Variants in NDEL1 observed in about 807,000 individuals in gnomAD.
The protein encoded by NDEL1 is nudE neurodevelopment protein 1 like 1.
NDEL1 carries 9 observed loss-of-function variants against 45.7 expected under a neutral mutation model. The observed-to-expected ratio is 0.20, with a 90% CI of 0.12 to 0.34. The LOEUF (loss-of-function observed/expected upper bound fraction) is 0.34. Among genes scored for constraint, NDEL1 ranks in the 10% least tolerant of loss-of-function variants. The probability of loss-of-function intolerance (pLI) is 1.00; values close to 1 mark genes in which losing one functional copy is unlikely to be tolerated. For synonymous variants in NDEL1, 133 were observed against 158.6 expected (o/e 0.84, Z 1.21); for missense variants, 306 against 406.2 (o/e 0.75, Z 2.12).
intron 1 of NDEL1, among the ~76,000 whole-genome samples, chr17:8,442,656 T>G (rs1276769362): frequency 1.3e-5 from 2 of 151,368 alleles, no homozygotes; most frequent in African/African-American, 4.9e-5. Context: ...TTTGATGATG[T>G]GGAGAGATTT....
chr17:8,472,188 G>A (rs897321417), downstream of NDEL1, among the ~76,000 whole-genome samples: 3 of 152,186 alleles, frequency 2.0e-5, no homozygotes, highest in Non-Finnish European at 2.9e-5. Flanking sequence ...GCCCTGGGTC[G>A]GTCATACCCA....
At chr17:8,471,986 C>A (rs565113833), downstream of NDEL1, among the ~76,000 whole-genome samples, 121 of 152,282 alleles carry the variant, frequency 7.9e-4, no homozygotes, top group Non-Finnish European at 1.4e-3. Flanking sequence ...AAGGGGAGAC[C>A]TGCCTGGAAC....
chr17:8,452,504 G>A (rs73241265), intron 6 of NDEL1, among the ~76,000 whole-genome samples: 2,745 of 152,136 alleles, frequency 0.018, 78 homozygotes, highest in African/African-American at 0.064. Flanking sequence ...AATTTTCACT[G>A]GCTAACCTAA....
upstream of NDEL1, among the ~76,000 whole-genome samples, chr17:8,432,363 T>TATATATATATTATATATAAATATATATAG (rs1909036204): frequency 1.6e-5 from 1 of 62,036 alleles, no homozygotes; most frequent in South Asian, 4.4e-4. Flanking sequence ...AATATAAATA[T>TATATATATATTATATATAAATATATATAG]ATATATATTT....
upstream of NDEL1, among the ~76,000 whole-genome samples, chr17:8,434,983 T>C (rs1320265945): frequency 6.6e-6 from 1 of 151,850 alleles, no homozygotes; most frequent in Non-Finnish European, 1.5e-5. Context: ...GGCAGGAGAA[T>C]TGCTTAAACC....
upstream of NDEL1, among the ~76,000 whole-genome samples, chr17:8,434,648 C>CT (rs1288082778): frequency 5.3e-5 from 8 of 152,106 alleles, no homozygotes; most frequent in Admixed American, 5.2e-4. Context: ...TGTAAGTTGC[C>CT]TATCCCTCTT....
chr17:8,420,939 G>A (rs969204778), intron 1 of NDEL1, among the ~76,000 whole-genome samples: 2 of 152,174 alleles, frequency 1.3e-5, no homozygotes, highest in Non-Finnish European at 2.9e-5. Flanking sequence ...TGTAAATTCA[G>A]TAGGCTGGAC....
At chr17:8,461,952 AAC>A (rs1407597903) in intron 8 of NDEL1, among the ~76,000 whole-genome samples, 2 of 152,134 alleles carry the variant, frequency 1.3e-5, no homozygotes, top group Non-Finnish European at 2.9e-5. Context: ...AGGGAAGGAT[AAC>A]ACTGTCTGTT....
At chr17:8,460,300 CA>C in intron 8 of NDEL1, 140 bp downstream of exon 8, 1 of 925,834 alleles carries the variant, frequency 1.1e-6, no homozygotes, top group Non-Finnish European at 1.6e-6. Context: ...TCTTAGGTGA[CA>C]TGACGTCTGT....
At chr17:8,415,476 C>A (rs1482008704) in intron 1 of NDEL1, among the ~76,000 whole-genome samples, 2 of 146,612 alleles carry the variant, frequency 1.4e-5, no homozygotes, top group Non-Finnish European at 3.0e-5. Context: ...ACTCTGTTGC[C>A]CAGGCTGGAG....
In NDEL1 at chr17:8,445,685, G is replaced by A. The variant is rs369251061; in HGVS notation, c.87-26G>A. The A allele has an allele frequency of 1.8e-5, 28 of 1,582,634 alleles. No individual in the cohort carries two copies. The South Asian group carries it at 2.2e-4, about 13-fold the overall frequency. On this transcript the variant is annotated intron_variant, in intron 2 of 8. Coordinates refer to ENST00000334527, the MANE Select transcript of NDEL1 (RefSeq NM_030808.5). ...ATCCTTGTGGTTCTTAGTGTAACTC[G>A]TCTTTCCCACTTTGTTTCTGATTAG... is the stretch of plus-strand genomic sequence containing the variant.
chr17:8,421,693 TAC>T (rs1380783411), intron 1 of NDEL1, among the ~76,000 whole-genome samples: 1 of 152,184 alleles, frequency 6.6e-6, no homozygotes, highest in East Asian at 1.9e-4. Flanking sequence ...AGGAAACAAA[TAC>T]ACCAGACCTT....
intron 8 of NDEL1, among the ~76,000 whole-genome samples, chr17:8,462,024 G>T (rs1911242606): frequency 6.6e-6 from 1 of 151,984 alleles, no homozygotes; most frequent in Admixed American, 6.6e-5. Context: ...GGCAGGGATT[G>T]CCAAGAGGTG....
Position 8,454,814 on chromosome 17 carries a change from G to T in NDEL1, c.719G>T (p.Gly240Val), listed in dbSNP as rs921787837. Residue 240 changes from glycine (G) to valine (V), a missense_variant, in exon 7 of 9, where the codon GGT becomes GTT. Physicochemically the swap from Gly to Val is moderately radical, Grantham distance 109 (BLOSUM62 -3). Around this residue, in one of 3 missense-constraint regions of NDEL1, gnomAD observed 175 missense variants for 205.2 expected, o/e 0.85. Coordinates refer to ENST00000334527, the MANE Select transcript of NDEL1 (RefSeq NM_030808.5). Reference protein sequence around the residue: ...PSPKAIPNGFGTSPLTPSARI... With the variant: ...PSPKAIPNGFVTSPLTPSARI... ...TCTCTAGCTATACCAAATGGTTTTG[G>T]TACCAGTCCACTAACTCCCTCTGCT... The T allele has an allele frequency of 1.9e-6, 3 of 1,613,646 alleles. No homozygotes were observed. Among genetic ancestry groups the T allele is most frequent in the Non-Finnish European group, 2.5e-6 (3 of 1,179,790 alleles).
At chr17:8,468,308 A>C (rs1035538231), downstream of NDEL1, 2 of 152,258 alleles carry the variant, frequency 1.3e-5, no homozygotes, top group African/African-American at 2.4e-5. Context: ...GAGATGTCTT[A>C]TGTGCGGAGC....
upstream of NDEL1, among the ~76,000 whole-genome samples, chr17:8,434,199 T>C (rs1432325269): frequency 2.0e-5 from 3 of 152,212 alleles, no homozygotes; most frequent in South Asian, 2.1e-4. Flanking sequence ...GGTGGGAAGA[T>C]TGCCTGAAGT....
intron 8 of NDEL1, 80 bp from the exon 9 acceptor site, chr17:8,466,850 T>C: frequency 7.3e-7 from 1 of 1,365,592 alleles, no homozygotes; most frequent in Non-Finnish European, 1.0e-6. Flanking sequence ...AGCAGATTAA[T>C]TTCCTATTGT....
At chr17:8,460,283 A>G in intron 8 of NDEL1, 123 bp downstream of exon 8, 2 of 1,056,148 alleles carry the variant, frequency 1.9e-6, no homozygotes, top group Non-Finnish European at 2.7e-6. Flanking sequence ...GCCTGTTATC[A>G]TTCTAATCTT....
intron 8 of NDEL1, chr17:8,462,989 T>C (rs1371973415): frequency 4.7e-6 from 1 of 211,370 alleles, no homozygotes; most frequent in African/African-American, 2.3e-5. Flanking sequence ...GGTTTTTGTC[T>C]AGTCTGTGAG....
Sources: gnomAD v4.1 joint callset for allele counts (sites outside exome capture counted in the v4.1 genomes callset) on GRCh38, gnomAD v4.1.1 for gene constraint, gnomAD v4.1.1 regional missense constraint, MANE v1.5 for transcripts, NCBI Gene and HGNC (gene_info 2026-07-23, HGNC 2026-07-21) for gene names.